FBXL7: variants seen among roughly 807,000 people sequenced by gnomAD.
The protein encoded by FBXL7 is F-box/LRR-repeat protein 7.
A neutral mutation model predicts 38.3 loss-of-function variants in FBXL7; 12 were observed. The observed-to-expected ratio is 0.31, with a 90% CI of 0.20 to 0.51. The LOEUF (loss-of-function observed/expected upper bound fraction) is 0.51, where lower values mean the gene tolerates loss of function less well. Ranked by LOEUF, FBXL7 falls within the 20% of genes least tolerant of loss-of-function variation. FBXL7 has a pLI of 0.98. For synonymous variants in FBXL7, 297 were observed against 300.9 expected (o/e 0.99, Z 0.13); for missense variants, 567 against 676.4 (o/e 0.84, Z 1.79).
At chr5:15,732,960 G>A (rs1735630784) in intron 2 of FBXL7, among the ~76,000 whole-genome samples, 1 of 152,034 alleles carries the variant, frequency 6.6e-6, no homozygotes, top group Non-Finnish European at 1.5e-5. Context: ...TTATAATATG[G>A]TTTATATTCA....
intron 2 of FBXL7, among the ~76,000 whole-genome samples, chr5:15,798,236 G>A (rs934426507): frequency 2.0e-5 from 3 of 152,122 alleles, no homozygotes; most frequent in African/African-American, 7.2e-5. Context: ...GAAGCACACA[G>A]ACACCCACAG....
intron 2 of FBXL7, among the ~76,000 whole-genome samples, chr5:15,927,064 A>G (rs1741893493): frequency 6.6e-6 from 1 of 151,816 alleles, no homozygotes; most frequent in South Asian, 2.1e-4. Flanking sequence ...GTTGTGCCCT[A>G]CCGTAATCCC....
At chr5:15,876,546 C>A (rs117612981) in intron 2 of FBXL7, among the ~76,000 whole-genome samples, 12 of 152,082 alleles carry the variant, frequency 7.9e-5, no homozygotes, top group Non-Finnish European at 1.5e-4. Context: ...CTTTTAAGCT[C>A]CATGTTCAAA....
chr5:15,545,414 A>G (rs1359844126), intron 1 of FBXL7, among the ~76,000 whole-genome samples: 1 of 152,244 alleles, frequency 6.6e-6, no homozygotes. Flanking sequence ...CCATGAGCTG[A>G]GGATTCAACA....
intron 2 of FBXL7, among the ~76,000 whole-genome samples, chr5:15,892,577 C>T (rs773306811): frequency 6.6e-5 from 10 of 152,078 alleles, no homozygotes; most frequent in East Asian, 1.9e-4. Flanking sequence ...GCTTTGGGTT[C>T]GCAGCTTACT....
intron 1 of FBXL7, among the ~76,000 whole-genome samples, chr5:15,528,208 A>G (rs1737308331): frequency 6.6e-6 from 1 of 152,198 alleles, no homozygotes; most frequent in Non-Finnish European, 1.5e-5. Flanking sequence ...TACTAAGATT[A>G]TCTACAGGGA....
At chr5:15,539,023 T>G (rs369102236) in intron 1 of FBXL7, among the ~76,000 whole-genome samples, 3 of 152,304 alleles carry the variant, frequency 2.0e-5, no homozygotes, top group African/African-American at 7.2e-5. Context: ...CACGTGCACT[T>G]TTTATTAGCT....
At chr5:15,747,477 T>C (rs1337525876) in intron 2 of FBXL7, among the ~76,000 whole-genome samples, 1 of 152,168 alleles carries the variant, frequency 6.6e-6, no homozygotes, top group African/African-American at 2.4e-5. Flanking sequence ...TTGGATGCTG[T>C]AGGGGGTCAA....
At chr5:15,707,351 A>G (rs1029407924) in intron 2 of FBXL7, among the ~76,000 whole-genome samples, 3 of 152,104 alleles carry the variant, frequency 2.0e-5, no homozygotes, top group African/African-American at 4.8e-5. Flanking sequence ...ACATCTTGTT[A>G]TAGGTATCTC....
intron 2 of FBXL7, among the ~76,000 whole-genome samples, chr5:15,634,313 CTTTTTTTT>C (rs57823645): frequency 3.6e-5 from 4 of 112,274 alleles, no homozygotes; most frequent in Non-Finnish European, 7.1e-5. Flanking sequence ...ATGTTCGTTT[CTTTTTTTT>C]TTTTTTTTTT....
chr5:15,674,486 C>T (rs909150813), intron 2 of FBXL7, among the ~76,000 whole-genome samples: 1 of 152,138 alleles, frequency 6.6e-6, no homozygotes, highest in Non-Finnish European at 1.5e-5. Flanking sequence ...CAGATCCAAC[C>T]AGGTTGGCTA....
chr5:15,880,978 T>G (rs1319416195), intron 2 of FBXL7, among the ~76,000 whole-genome samples: 1 of 151,920 alleles, frequency 6.6e-6, no homozygotes, highest in Non-Finnish European at 1.5e-5. Context: ...CACAGAAAGA[T>G]TAATGGACTT....
At chr5:15,848,092 A>G (rs1376861748) in intron 2 of FBXL7, among the ~76,000 whole-genome samples, 1 of 152,206 alleles carries the variant, frequency 6.6e-6, no homozygotes, top group Non-Finnish European at 1.5e-5. Flanking sequence ...GTTTATGATA[A>G]TTATTTACAC....
intron 2 of FBXL7, among the ~76,000 whole-genome samples, chr5:15,922,332 T>C (rs986526956): frequency 1.3e-4 from 20 of 152,094 alleles, no homozygotes; most frequent in African/African-American, 4.6e-4. Context: ...TCTTAAAAAT[T>C]GGGGCATTTT....
intron 2 of FBXL7, among the ~76,000 whole-genome samples, chr5:15,777,606 A>T (rs1490947363): frequency 2.6e-5 from 4 of 151,360 alleles, no homozygotes; most frequent in African/African-American, 9.7e-5. Context: ...GTGAAAGAGA[A>T]GTTGAATCAA....
intron 2 of FBXL7, among the ~76,000 whole-genome samples, chr5:15,760,637 A>G (rs1339606520): frequency 1.3e-5 from 2 of 152,062 alleles, no homozygotes; most frequent in African/African-American, 2.4e-5. Flanking sequence ...AGCCTTCTGG[A>G]CCCAGGAACA....
intron 2 of FBXL7, among the ~76,000 whole-genome samples, chr5:15,825,878 A>T (rs1738296804): frequency 6.6e-6 from 1 of 152,204 alleles, no homozygotes; most frequent in Admixed American, 6.5e-5. Context: ...AAAAGGAGAA[A>T]CTCAACGGTT....
At chr5:15,900,207 T>C (rs1231878911) in intron 2 of FBXL7, among the ~76,000 whole-genome samples, 2 of 152,150 alleles carry the variant, frequency 1.3e-5, no homozygotes, top group Non-Finnish European at 2.9e-5. Context: ...AGAAATATCC[T>C]CATCTTAAAC....
At chr5:15,677,940 T>G (rs954865788) in intron 2 of FBXL7, among the ~76,000 whole-genome samples, 9 of 152,192 alleles carry the variant, frequency 5.9e-5, no homozygotes, top group African/African-American at 2.2e-4. Flanking sequence ...ACCTTTCACC[T>G]TCCTAAGAAA....
Sources: allele counts gnomAD v4.1 joint callset (sites outside exome capture counted in the v4.1 genomes callset), GRCh38; gene constraint gnomAD v4.1.1; transcripts MANE v1.5; gene names NCBI Gene and HGNC (gene_info 2026-07-23, HGNC 2026-07-21).